CNBD1: variants seen among roughly 807,000 people sequenced by gnomAD.
The protein encoded by CNBD1 is cyclic nucleotide-binding domain-containing protein 1.
Under a neutral mutation model 54.4 loss-of-function variants are expected in CNBD1, and 71 were observed. The observed-to-expected ratio is 1.30, with a 90% CI of 1.08 to 1.59. The LOEUF (loss-of-function observed/expected upper bound fraction) is 1.59. Among genes scored for constraint, CNBD1 ranks in the 40% most tolerant of loss-of-function variants. The pLI, the probability that CNBD1 is intolerant of heterozygous loss-of-function variation, is 0.00. For synonymous variants in CNBD1, 182 were observed against 170.7 expected, an observed-to-expected ratio of 1.07 and a Z score of -0.51; for missense variants, 659 against 518.0, an observed-to-expected ratio of 1.27 and a Z score of -2.64.
intron 4 of CNBD1, among the ~76,000 whole-genome samples, chr8:87,061,520 A>C (rs572693631): frequency 1.3e-5 from 2 of 152,172 alleles, no homozygotes; most frequent in African/African-American, 4.8e-5. Flanking sequence ...ATTTACATTC[A>C]TGTTAAATGT....
intron 5 of CNBD1, among the ~76,000 whole-genome samples, chr8:87,208,725 C>G (rs923345764): frequency 6.6e-6 from 1 of 151,944 alleles, no homozygotes; most frequent in Non-Finnish European, 1.5e-5. Context: ...TCTTTTATAT[C>G]TATGTCACCT....
intron 4 of CNBD1, among the ~76,000 whole-genome samples, chr8:87,102,134 G>C (rs990112308): frequency 6.6e-6 from 1 of 151,960 alleles, no homozygotes; most frequent in African/African-American, 2.4e-5. Flanking sequence ...TGATCTGCCC[G>C]CCTCGGCCTC....
At chr8:87,174,121 G>C (rs1813149471) in intron 4 of CNBD1, among the ~76,000 whole-genome samples, 1 of 151,900 alleles carries the variant, frequency 6.6e-6, no homozygotes, top group Admixed American at 6.6e-5. Flanking sequence ...ACCAGGCCCA[G>C]CTAATTTTTG....
At chr8:86,870,757 CGAA>C (rs1563805621) in intron 1 of CNBD1, among the ~76,000 whole-genome samples, 3 of 151,560 alleles carry the variant, frequency 2.0e-5, no homozygotes, top group African/African-American at 4.9e-5. Context: ...TTGTCAGTGA[CGAA>C]GAAAAACAGG....
At chr8:87,392,254 A>G (rs1811323777) in intron 2 of CNBD1, among the ~76,000 whole-genome samples, 1 of 152,070 alleles carries the variant, frequency 6.6e-6, no homozygotes, top group Non-Finnish European at 1.5e-5. Flanking sequence ...CAGTTTCTCC[A>G]CAAGTTCAAC....
intron 4 of CNBD1, among the ~76,000 whole-genome samples, chr8:87,130,303 G>A (rs1586276646): frequency 6.6e-6 from 1 of 152,142 alleles, no homozygotes; most frequent in East Asian, 1.9e-4. Context: ...AATATACTGA[G>A]ACTTATTTTA....
chr8:87,147,707 T>C (rs995697009), intron 4 of CNBD1, among the ~76,000 whole-genome samples: 2 of 152,140 alleles, frequency 1.3e-5, no homozygotes, highest in African/African-American at 4.8e-5. Flanking sequence ...TTAGCCTATT[T>C]TTTTAGTACA....
At chr8:87,303,227 C>T (rs982235338) in intron 8 of CNBD1, among the ~76,000 whole-genome samples, 4 of 151,304 alleles carry the variant, frequency 2.6e-5, no homozygotes, top group Admixed American at 6.6e-5. Flanking sequence ...TGCTACCTGA[C>T]TTCAAACTAT....
At chr8:87,374,611 A>G (rs1469587667) in intron 10 of CNBD1, among the ~76,000 whole-genome samples, 2 of 151,814 alleles carry the variant, frequency 1.3e-5, no homozygotes, top group South Asian at 2.1e-4. Context: ...TAAATTTCCC[A>G]GCCTCTCTAG....
chr8:86,988,334 G>T (rs904756990), intron 4 of CNBD1, among the ~76,000 whole-genome samples: 2 of 151,456 alleles, frequency 1.3e-5, no homozygotes, highest in Non-Finnish European at 2.9e-5. Flanking sequence ...TGTGTTTTTT[G>T]GGATCAGTTA....
downstream of CNBD1, among the ~76,000 whole-genome samples, chr8:87,383,302 A>G (rs1462912414): frequency 6.6e-6 from 1 of 152,138 alleles, no homozygotes; most frequent in African/African-American, 2.4e-5. Context: ...TTATCTTTTC[A>G]TCAGACCCAT....
intron 4 of CNBD1, among the ~76,000 whole-genome samples, chr8:86,982,204 T>C (rs13266487): frequency 0.89 from 136,207 of 152,218 alleles, 61,027 homozygotes; most frequent in East Asian, 0.99. Flanking sequence ...TTATATGTCT[T>C]TTGTGCCCAT....
rs183224596 is a variant in CNBD1 at position 87,102,617 on chromosome 8, T to C, written c.432-103376T>C. Among the ~76,000 whole-genome samples, 455 of 152,088 alleles carry C rather than the reference T, an allele frequency of 3.0e-3. 3 individuals are homozygous for C. The highest frequency in any genetic ancestry group is 0.01 in the African/African-American group (427 of 41,464). On this transcript the variant is annotated intron_variant, in intron 4 of 10. Coordinates refer to ENST00000518476, the MANE Select transcript of CNBD1 (RefSeq NM_173538.3). The stretch of plus-strand genomic sequence containing the variant: ...TGGAGGCAGCAGGACTTTTTTTTGT[T>C]GTTTGTTTGTTTTTGAGACAGAGTC...
At chr8:86,962,326 A>G (rs1452618753) in intron 4 of CNBD1, among the ~76,000 whole-genome samples, 2 of 152,234 alleles carry the variant, frequency 1.3e-5, no homozygotes, top group African/African-American at 2.4e-5. Context: ...ATAACCATGG[A>G]CATCTACTTT....
At chr8:86,920,498 A>G (rs1263299971) in intron 3 of CNBD1, among the ~76,000 whole-genome samples, 5 of 152,208 alleles carry the variant, frequency 3.3e-5, no homozygotes, top group Admixed American at 3.3e-4. Context: ...ACAGAACTTA[A>G]TAATTTGAAC....
intron 8 of CNBD1, among the ~76,000 whole-genome samples, chr8:87,288,003 G>A (rs1808727505): frequency 6.6e-6 from 1 of 151,830 alleles, no homozygotes. Context: ...TTAACCAAAA[G>A]TACAAATGGA....
At chr8:87,193,139 G>T (rs1813647088) in intron 4 of CNBD1, among the ~76,000 whole-genome samples, 1 of 152,132 alleles carries the variant, frequency 6.6e-6, no homozygotes, top group Admixed American at 6.6e-5. Context: ...AAGTGATTGA[G>T]AGAAACATAA....
At chr8:87,066,525 G>A (rs1810657609) in intron 4 of CNBD1, among the ~76,000 whole-genome samples, 1 of 151,836 alleles carries the variant, frequency 6.6e-6, no homozygotes. Flanking sequence ...TGGAGATTTG[G>A]ATATTCTAAA....
chr8:87,278,362 A>G (rs1460962208), intron 6 of CNBD1, among the ~76,000 whole-genome samples: 4 of 151,690 alleles, frequency 2.6e-5, no homozygotes, highest in African/African-American at 9.6e-5. Flanking sequence ...TACAAGTGAA[A>G]CAACCACAAC....
Sources: gnomAD v4.1 joint callset for allele counts (sites outside exome capture counted in the v4.1 genomes callset) on GRCh38, gnomAD v4.1.1 for gene constraint, MANE v1.5 for transcripts, NCBI Gene and HGNC (gene_info 2026-07-23, HGNC 2026-07-21) for gene names.